RP1: variants seen among roughly 807,000 people sequenced by gnomAD.
RP1 encodes RP1 axonemal microtubule associated.
RP1 carries 16 observed loss-of-function variants against 14.8 expected under a neutral mutation model. That is an observed-to-expected ratio of 1.08 (90% CI 0.73 to 1.65). RP1 has a LOEUF of 1.65. Among genes scored for constraint, RP1 ranks in the 40% most tolerant of loss-of-function variants. The pLI is 0.00. For synonymous variants in RP1, 876 were observed against 883.6 expected (o/e 0.99, Z 0.15); for missense variants, 2,631 against 2,535.0 (o/e 1.04, Z -0.81).
At chr8:54,615,889 GAGGATA>G (rs758887658), upstream of RP1, among the ~76,000 whole-genome samples, 1 of 152,156 alleles carries the variant, frequency 6.6e-6, no homozygotes, top group Non-Finnish European at 1.5e-5. Flanking sequence ...ACTTTTTCTG[GAGGATA>G]ACACTAGGCA....
At chr8:54,829,101 C>T (rs1354037766) in intron 24 of RP1, among the ~76,000 whole-genome samples, 3 of 151,904 alleles carry the variant, frequency 2.0e-5, no homozygotes, top group African/African-American at 7.3e-5. Flanking sequence ...CCATGTTGGC[C>T]AGGCTGATCT....
intron 24 of RP1, among the ~76,000 whole-genome samples, chr8:54,786,574 C>A (rs1810324081): frequency 6.6e-6 from 1 of 151,974 alleles, no homozygotes; most frequent in Non-Finnish European, 1.5e-5. Context: ...ATGTTTCTAC[C>A]AATGTTCGTC....
intron 8 of RP1, chr8:54,674,016 A>G: frequency 9.5e-7 from 1 of 1,047,710 alleles, no homozygotes; most frequent in Non-Finnish European, 1.4e-6. Flanking sequence ...TACTGTGGAA[A>G]ATTGGTAGAA....
In RP1 at chr8:54,756,702, G is replaced by A. The variant is rs145507948; in HGVS notation, c.3093+932G>A. ...CAGCGAAGTGATCTCCTACAGAACC[G>A]TGCTGGCTTTGCATCAGCCCCAGAC... is the stretch of plus-strand genomic sequence containing the variant. On this transcript the variant is annotated intron_variant, in intron 21 of 22. Coordinates refer to the RP1 transcript ENST00000636932. Among the ~76,000 whole-genome samples, 151 of 152,232 alleles carry A rather than the reference G, an allele frequency of 9.9e-4. 2 individuals carry two copies. The East Asian group carries it at 0.023, about 23-fold the overall frequency.
At chr8:54,690,524 C>A (rs1167775585) in intron 12 of RP1, among the ~76,000 whole-genome samples, 1 of 151,852 alleles carries the variant, frequency 6.6e-6, no homozygotes, top group African/African-American at 2.4e-5. Context: ...CTGGTTCAGC[C>A]CCCTTTACTG....
rs536083226 is a variant in RP1 at position 54,708,341 on chromosome 8, T to C, written c.2211+1686T>C. Among the ~76,000 whole-genome samples, 13 of 146,858 alleles carry C rather than the reference T, an allele frequency of 8.9e-5. No individual in the cohort carries two copies. In the South Asian group the frequency reaches 2.8e-3, roughly 32 times the overall value. On this transcript the variant is annotated intron_variant, in intron 15 of 22. Coordinates refer to the RP1 transcript ENST00000636932. ...TTAGCTGCCTCATACTCTAGCTGAA[T>C]GGTGATTTCTGGTTTTTTTTTTTTT...
intron 1 of RP1, among the ~76,000 whole-genome samples, chr8:54,607,569 G>A (rs1805483576): frequency 6.6e-6 from 1 of 152,182 alleles, no homozygotes. Context: ...TCTCTTCCAA[G>A]CTTTCAGACA....
chr8:54,636,602 G>T (rs1308388438), intron 3 of RP1, among the ~76,000 whole-genome samples: 1 of 152,116 alleles, frequency 6.6e-6, no homozygotes, highest in Non-Finnish European at 1.5e-5. Context: ...GCTGGGCCTG[G>T]TCGTGGGCGC....
intron 28 of RP1, chr8:54,869,812 TATTA>T (rs1406575444): frequency 2.1e-6 from 2 of 970,712 alleles, no homozygotes; most frequent in Non-Finnish European, 2.7e-6. Context: ...TGCTCTCTCA[TATTA>T]ATTATCTTCT....
intron 1 of RP1, among the ~76,000 whole-genome samples, chr8:54,604,233 A>C (rs1805370148): frequency 6.6e-6 from 1 of 152,140 alleles, no homozygotes; most frequent in Non-Finnish European, 1.5e-5. Context: ...ATTTATTGAG[A>C]GTTTTTAGCA....
At chr8:54,590,883 T>G (rs902933782) in intron 1 of RP1, among the ~76,000 whole-genome samples, 5 of 152,184 alleles carry the variant, frequency 3.3e-5, no homozygotes, top group African/African-American at 1.2e-4. Context: ...GATGTCAGCC[T>G]TCATCCACTC....
intron 24 of RP1, among the ~76,000 whole-genome samples, chr8:54,784,736 C>T (rs1343038020): frequency 2.0e-5 from 3 of 151,988 alleles, no homozygotes; most frequent in South Asian, 4.2e-4. Flanking sequence ...ATCATGTTAT[C>T]TATTTCTGCC....
At position 54,625,373 on chromosome 8, in the gene RP1, G is replaced by A. The variant is rs1308246488; in HGVS notation, c.1491G>A (p.Glu497=). 1.2e-6 allele frequency: 2 copies of A among 1,613,900 alleles called. No homozygotes were observed. The highest frequency in any genetic ancestry group is 2.7e-5 in the African/African-American group (2 of 74,908). ...GGGAAAGTGGGGAAAACAAGTCTGA[G>A]TATCACATGTTTACACATTCTTGCA... ...EERESGENKS[E]YHMFTHSCSK... is the part of the protein sequence containing the mutation. Residue 497 remains glutamate, a synonymous_variant, in exon 4 of 4, where the codon GAG becomes GAA. Transcript: ENST00000220676.
intron 1 of RP1, among the ~76,000 whole-genome samples, chr8:54,588,241 C>T (rs970509939): frequency 7.9e-5 from 12 of 152,016 alleles, no homozygotes; most frequent in Non-Finnish European, 1.2e-4. Flanking sequence ...AATGTTTCCA[C>T]GGTGGGCAAT....
intron 27 of RP1, among the ~76,000 whole-genome samples, chr8:54,864,001 A>C (rs1473955307): frequency 6.6e-6 from 1 of 152,228 alleles, no homozygotes; most frequent in Non-Finnish European, 1.5e-5. Flanking sequence ...AGTTCATAAC[A>C]ATATATAATT....
At chr8:54,604,074 G>T (rs545539145) in intron 1 of RP1, among the ~76,000 whole-genome samples, 1 of 152,278 alleles carries the variant, frequency 6.6e-6, no homozygotes, top group South Asian at 2.1e-4. Context: ...CCAACACTAT[G>T]TTGAATAGGA....
chr8:54,586,131 T>C (rs1002507858), intron 1 of RP1, among the ~76,000 whole-genome samples: 4 of 152,232 alleles, frequency 2.6e-5, no homozygotes, highest in Non-Finnish European at 5.9e-5. Context: ...TGTGGTTTTA[T>C]CTACCTTGGG....
At chr8:54,849,572 T>C (rs1239120491) in intron 25 of RP1, among the ~76,000 whole-genome samples, 2 of 152,228 alleles carry the variant, frequency 1.3e-5, no homozygotes, top group African/African-American at 4.8e-5. Flanking sequence ...ATACTATTTA[T>C]GGAGCTGTTA....
At chr8:54,673,758 A>G (rs1330911181) in intron 7 of RP1, 1 of 1,132,080 alleles carries the variant, frequency 8.8e-7, no homozygotes, top group Non-Finnish European at 1.3e-6. Flanking sequence ...AACAACAACA[A>G]CAACAACAAC....
Sources: allele counts gnomAD v4.1 joint callset (sites outside exome capture counted in the v4.1 genomes callset), GRCh38; gene constraint gnomAD v4.1.1; transcripts MANE v1.5; gene names NCBI Gene and HGNC (gene_info 2026-07-23, HGNC 2026-07-21).